The following NDST1 variants were observed in gnomAD, a reference collection of about 807,000 sequenced individuals.
NDST1 encodes bifunctional heparan sulfate N-deacetylase/N-sulfotransferase 1.
NDST1 carries 35 observed loss-of-function variants against 92.8 expected under a neutral mutation model. That is an observed-to-expected ratio of 0.38 (90% CI 0.29 to 0.50). NDST1 has a LOEUF of 0.50. Ranked by LOEUF, NDST1 falls within the 20% of genes least tolerant of loss-of-function variation. NDST1 has a pLI of 0.94. For missense variants in NDST1, 822 were observed against 1,182.7 expected, an observed-to-expected ratio of 0.69 and a Z score of 4.47; for synonymous variants, 493 against 500.3, an observed-to-expected ratio of 0.99 and a Z score of 0.19.
upstream of NDST1, among the ~76,000 whole-genome samples, chr5:150,506,707 C>T (rs530053908): frequency 3.3e-5 from 5 of 152,260 alleles, no homozygotes; most frequent in East Asian, 9.7e-4. Context: ...TGCCCCCTCC[C>T]CCTGCCAGCT....
intron 3 of NDST1, among the ~76,000 whole-genome samples, chr5:150,528,664 G>A (rs4958337): frequency 0.31 from 46,942 of 151,884 alleles, 8,527 homozygotes; most frequent in Non-Finnish European, 0.4. Flanking sequence ...GTGTGGTGGC[G>A]TATGCCTGTC....
chr5:150,514,582 A>T (rs76955591), intron 1 of NDST1, among the ~76,000 whole-genome samples: 3,545 of 149,708 alleles, frequency 0.024, 320 homozygotes, highest in Admixed American at 0.15. Context: ...AAAAAAAAAA[A>T]GTGCTTAGCA....
At chr5:150,551,631 T>C in intron 13 of NDST1, 122 bp from the exon 14 acceptor site, 1 of 1,234,380 alleles carries the variant, frequency 8.1e-7, no homozygotes, top group Non-Finnish European at 1.1e-6. Context: ...TGACAGTCCA[T>C]GTGGGTTCAA....
At position 150,528,305 on chromosome 5, in the gene NDST1, C is replaced by A; in HGVS notation, c.1008+7C>A. ...GAAGGTGGAGGACGTGAAGGTATGG[C>A]CGGGGGTGCTAGACCGGGCAAGGCA... On this transcript the variant is annotated splice_region_variant and intron_variant, in intron 3 of 14. Coordinates refer to ENST00000261797, the MANE Select transcript of NDST1 (RefSeq NM_001543.5). The A allele has an allele frequency of 6.3e-7, 1 of 1,583,792 alleles. No homozygotes were observed. Among genetic ancestry groups the A allele is most frequent in the Admixed American group, 1.7e-5 (1 of 58,860 alleles).
At chr5:150,544,063 C>T (rs1312788294) in intron 10 of NDST1, among the ~76,000 whole-genome samples, 4 of 152,208 alleles carry the variant, frequency 2.6e-5, no homozygotes, top group Admixed American at 6.5e-5. Flanking sequence ...CGGCGTGCGC[C>T]ACTGCGCCCG....
intron 1 of NDST1, among the ~76,000 whole-genome samples, chr5:150,517,724 C>T (rs937274502): frequency 7.2e-5 from 11 of 152,210 alleles, no homozygotes; most frequent in African/African-American, 2.7e-4. Context: ...CAGATTCCCA[C>T]AGGGTTTCGT....
At chr5:150,542,713 G>A in intron 9 of NDST1, 135 bp from the exon 10 acceptor site, 2 of 1,131,706 alleles carry the variant, frequency 1.8e-6, no homozygotes, top group South Asian at 1.3e-5. Flanking sequence ...CACAGATGAA[G>A]AAGCTAAGAC....
intron 10 of NDST1, among the ~76,000 whole-genome samples, chr5:150,544,870 TG>T (rs895574366): frequency 6.6e-6 from 1 of 152,174 alleles, no homozygotes; most frequent in African/African-American, 2.4e-5. Context: ...GTCCGCCCTC[TG>T]GAGGCCCCCT....
chr5:150,547,778 C>T (rs183497113), intron 11 of NDST1, among the ~76,000 whole-genome samples: 3 of 152,188 alleles, frequency 2.0e-5, no homozygotes, highest in Admixed American at 2.0e-4. Flanking sequence ...CTCCACCCCC[C>T]GAGTTTAAGC....
intron 10 of NDST1, among the ~76,000 whole-genome samples, chr5:150,543,983 T>G (rs1203275605): frequency 6.6e-6 from 1 of 152,226 alleles, no homozygotes; most frequent in Non-Finnish European, 1.5e-5. Context: ...TTTTGCCATG[T>G]TGGTCAGGCT....
At chr5:150,504,893 G>A (rs1452137038), upstream of NDST1, among the ~76,000 whole-genome samples, 1 of 152,182 alleles carries the variant, frequency 6.6e-6, no homozygotes, top group Non-Finnish European at 1.5e-5. Context: ...TGAGCATGGA[G>A]GAGTAGACCC....
intron 10 of NDST1, 98 bp from the exon 11 acceptor site, chr5:150,545,214 G>A: frequency 7.1e-7 from 1 of 1,407,766 alleles, no homozygotes; most frequent in South Asian, 1.2e-5. Flanking sequence ...CTTGCTCTCT[G>A]AGGACATTCT....
chr5:150,554,366 A>T lies in NDST1; in HGVS notation c.*1034A>T, dbSNP rs1177151403. ...ATATATATATATATATATAATGTGT[A>T]TATATATATATTCTATTTTTTTTGG... On this transcript the variant is annotated 3_prime_UTR_variant, in exon 15 of 15. Transcript: ENST00000261797. 1.3e-5 allele frequency: 2 copies of T among 148,946 alleles called. No individual in the cohort carries two copies. Among genetic ancestry groups the T allele is most frequent in the East Asian group, 3.6e-4 (2 of 5,512 alleles). 9.2% of individuals were successfully genotyped at this position (148,946 alleles called of 1,614,324 possible). A position where few individuals can be genotyped will look rare whatever the true frequency, so the allele number is the denominator to read the frequency against.
intron 11 of NDST1, among the ~76,000 whole-genome samples, chr5:150,546,564 G>A (rs541247550): frequency 4.6e-5 from 7 of 152,334 alleles, no homozygotes; most frequent in South Asian, 4.1e-4. Context: ...TGGGGAGGGG[G>A]TGGGGCCCTG....
At chr5:150,551,536 T>G (rs1755726622) in intron 13 of NDST1, among the ~76,000 whole-genome samples, 1 of 152,214 alleles carries the variant, frequency 6.6e-6, no homozygotes, top group Non-Finnish European at 1.5e-5. Flanking sequence ...ACTCAGAATG[T>G]GCGAGCTGCC....
chr5:150,536,311 C>A (rs575335968), intron 6 of NDST1, among the ~76,000 whole-genome samples: 1 of 151,824 alleles, frequency 6.6e-6, no homozygotes, highest in Middle Eastern at 3.2e-3. Flanking sequence ...TGTAGTGAAA[C>A]CCCATCTCTA....
chr5:150,536,691 G>A (rs575666223), intron 6 of NDST1, among the ~76,000 whole-genome samples: 11 of 152,070 alleles, frequency 7.2e-5, no homozygotes, highest in Non-Finnish European at 1.5e-4. Context: ...TCAGCCTCCC[G>A]AGTAGCTGGG....
At chr5:150,523,407 C>T (rs943611160) in intron 2 of NDST1, among the ~76,000 whole-genome samples, 1 of 152,230 alleles carries the variant, frequency 6.6e-6, no homozygotes, top group Non-Finnish European at 1.5e-5. Flanking sequence ...CACTCAGTGC[C>T]ATGCACCGTC....
At chr5:150,549,004 T>C (rs1755610293) in intron 12 of NDST1, among the ~76,000 whole-genome samples, 1 of 151,960 alleles carries the variant, frequency 6.6e-6, no homozygotes, top group Non-Finnish European at 1.5e-5. Context: ...CATACCAGGC[T>C]GTTTATGTAT....
Sources: gnomAD v4.1 joint callset for allele counts (sites outside exome capture counted in the v4.1 genomes callset) on GRCh38, gnomAD v4.1.1 for gene constraint, MANE v1.5 for transcripts, NCBI Gene and HGNC (gene_info 2026-07-23, HGNC 2026-07-21) for gene names.